Variants in ANKFN1 observed in about 807,000 individuals in gnomAD.
The protein encoded by ANKFN1 is ankyrin repeat and fibronectin type-III domain-containing protein 1.
ANKFN1 carries 74 observed loss-of-function variants against 108.7 expected under a neutral mutation model. That is an observed-to-expected ratio of 0.68 (90% confidence interval 0.56 to 0.83). The LOEUF (loss-of-function observed/expected upper bound fraction) is 0.83, where lower values mean the gene tolerates loss of function less well. ANKFN1 is among the 40% of genes least tolerant of loss of function. The pLI, the probability that ANKFN1 is intolerant of heterozygous loss-of-function variation, is 0.00. For synonymous variants in ANKFN1, 547 were observed against 516.2 expected (o/e 1.06, Z -0.81); for missense variants, 1,505 against 1,382.3 (o/e 1.09, Z -1.41).
At chr17:56,106,201 C>T (rs546618706) in intron 4 of ANKFN1, among the ~76,000 whole-genome samples, 2 of 152,272 alleles carry the variant, frequency 1.3e-5, no homozygotes, top group African/African-American at 2.4e-5. Context: ...CAGGGTCACA[C>T]AGCCAGGACT....
intron 8 of ANKFN1, among the ~76,000 whole-genome samples, chr17:56,408,222 A>G (rs1407165096): frequency 6.6e-6 from 1 of 152,182 alleles, no homozygotes; most frequent in Non-Finnish European, 1.5e-5. Context: ...GGCTTGAGCC[A>G]CCACACCCAG....
In ANKFN1 at chr17:56,216,209, C is replaced by G. The variant is rs528774255; in HGVS notation, c.12+3530C>G. ...GATAGCTAAATATGTAAACACTGCTCATTGATCAGCTTTCATATTATCCAC... is the reference window on the plus strand; with the variant it reads ...GATAGCTAAATATGTAAACACTGCTGATTGATCAGCTTTCATATTATCCAC... On this transcript the variant is annotated intron_variant, in intron 2 of 20. Coordinates refer to ENST00000682825, the MANE Select transcript of ANKFN1 (RefSeq NM_001370326.1). Among the ~76,000 whole-genome samples the G allele has an allele frequency of 3.9e-5, 6 of 152,306 alleles. No individual in the cohort carries two copies. In the South Asian group the frequency reaches 1.0e-3, roughly 26 times the overall value.
chr17:56,499,698 C>T lies in ANKFN1; in HGVS notation c.2644+600C>T, dbSNP rs116697552. Among the ~76,000 whole-genome samples the T allele has an allele frequency of 6.0e-3, 910 of 152,180 alleles. 8 individuals are homozygous for T. The highest frequency in any genetic ancestry group is 0.021 in the African/African-American group (865 of 41,528). On this transcript the variant is annotated intron_variant, in intron 20 of 20. Transcript: ENST00000682825. ...ACTTTAAACAAGCTGGAGAAGATAC[C>T]TAGCAAGGCACCTCTCCACCCTTGA... is the stretch of plus-strand genomic sequence containing the variant.
intron 1 of ANKFN1, among the ~76,000 whole-genome samples, chr17:56,208,535 T>C (rs1914717642): frequency 6.6e-6 from 1 of 152,080 alleles, no homozygotes. Context: ...CCTTAGTCTG[T>C]CTATCTCATT....
intron 6 of ANKFN1, among the ~76,000 whole-genome samples, chr17:56,369,810 G>C (rs922824823): frequency 2.0e-5 from 3 of 152,188 alleles, no homozygotes; most frequent in Non-Finnish European, 2.9e-5. Flanking sequence ...CAGTGGCTCA[G>C]TCAGTGCTTC....
At chr17:56,238,626 T>C (rs1051467007) in intron 3 of ANKFN1, among the ~76,000 whole-genome samples, 2 of 152,188 alleles carry the variant, frequency 1.3e-5, no homozygotes, top group African/African-American at 4.8e-5. Context: ...CTAATTTCCA[T>C]ATGCTTGGCA....
intron 1 of ANKFN1, among the ~76,000 whole-genome samples, chr17:56,169,711 C>T (rs1318481714): frequency 6.6e-6 from 1 of 152,066 alleles, no homozygotes; most frequent in Admixed American, 6.5e-5. Context: ...CTAGAGATCC[C>T]AGGAGACAGC....
At chr17:56,108,404 C>T (rs1053418514) in intron 4 of ANKFN1, among the ~76,000 whole-genome samples, 14 of 152,182 alleles carry the variant, frequency 9.2e-5, no homozygotes, top group African/African-American at 2.7e-4. Context: ...TTTCTTCTTT[C>T]GACTCTTCTT....
chr17:56,507,083 C>T (rs2051595505), intron 20 of ANKFN1, among the ~76,000 whole-genome samples: 1 of 152,146 alleles, frequency 6.6e-6, no homozygotes, highest in Non-Finnish European at 1.5e-5. Context: ...GAAGGGAGTT[C>T]AACTACAGTC....
intron 6 of ANKFN1, among the ~76,000 whole-genome samples, chr17:56,372,339 T>A (rs535304243): frequency 6.6e-6 from 1 of 152,280 alleles, no homozygotes; most frequent in South Asian, 2.1e-4. Flanking sequence ...TGAGAAGTGG[T>A]CCTCCTGGGT....
At chr17:56,120,431 G>A (rs1906545948) in intron 4 of ANKFN1, among the ~76,000 whole-genome samples, 1 of 151,996 alleles carries the variant, frequency 6.6e-6, no homozygotes, top group South Asian at 2.1e-4. Flanking sequence ...GCAATCTTGG[G>A]ATATGCTATC....
At chr17:56,295,109 C>G (rs1459452309) in intron 3 of ANKFN1, among the ~76,000 whole-genome samples, 1 of 152,196 alleles carries the variant, frequency 6.6e-6, no homozygotes, top group Non-Finnish European at 1.5e-5. Context: ...TGGGTTTCCT[C>G]TGGCTTTTAT....
intron 4 of ANKFN1, among the ~76,000 whole-genome samples, chr17:56,099,170 G>A (rs1305878917): frequency 2.0e-5 from 3 of 152,192 alleles, no homozygotes; most frequent in Non-Finnish European, 4.4e-5. Flanking sequence ...GGGAGAGAAA[G>A]TGGTTCCTAT....
In ANKFN1 at chr17:56,510,746, T is replaced by A. The variant is rs1355299062; in HGVS notation, c.2918T>A (p.Leu973Gln). 1 of 1,536,116 alleles carries A rather than the reference T, an allele frequency of 6.5e-7. No homozygotes were observed. Among genetic ancestry groups the A allele is most frequent in the South Asian group, 1.2e-5 (1 of 84,062 alleles). ...DHSCAEFLHS[L>Q]TLTGFTPKNH... ...TCATGTGCCGAGTTTCTCCATAGCC[T>A]GACCCTCACGGGGTTCACACCCAAG... is the stretch of plus-strand genomic sequence containing the variant. Residue 973 changes from leucine (L) to glutamine (Q), a missense_variant, in exon 21 of 21, where the codon CTG (leucine) becomes CAG (glutamine). Transcript: ENST00000682825.
At chr17:56,167,959 G>A (rs186888643) in intron 1 of ANKFN1, among the ~76,000 whole-genome samples, 63 of 152,246 alleles carry the variant, frequency 4.1e-4, no homozygotes, top group Non-Finnish European at 7.6e-4. Context: ...CCAGATGTCA[G>A]TGACCACTAG....
intron 8 of ANKFN1, among the ~76,000 whole-genome samples, chr17:56,391,709 A>G (rs1158712067): frequency 6.6e-6 from 1 of 152,062 alleles, no homozygotes; most frequent in East Asian, 1.9e-4. Flanking sequence ...TACAGGCGTG[A>G]GCCACCGCGC....
chr17:56,440,259 C>G, intron 8 of ANKFN1, 68 bp from the exon 9 acceptor site: 5 of 955,654 alleles, frequency 5.2e-6, no homozygotes, highest in Non-Finnish European at 8.1e-6. Flanking sequence ...TTCTATGGTA[C>G]TTCTTGATGT....
At chr17:56,150,382 G>T (rs182304058), upstream of ANKFN1, among the ~76,000 whole-genome samples, 2 of 152,158 alleles carry the variant, frequency 1.3e-5, no homozygotes, top group Non-Finnish European at 2.9e-5. Flanking sequence ...CTGGGTTACC[G>T]ATACCCCCTT....
chr17:56,422,164 A>G (rs969220481), intron 8 of ANKFN1, among the ~76,000 whole-genome samples: 1 of 152,224 alleles, frequency 6.6e-6, no homozygotes, highest in African/African-American at 2.4e-5. Context: ...TGCATAAATT[A>G]TGCATTTTAA....
Sources: allele counts gnomAD v4.1 joint callset (sites outside exome capture counted in the v4.1 genomes callset), GRCh38; gene constraint gnomAD v4.1.1; transcripts MANE v1.5; gene names NCBI Gene and HGNC (gene_info 2026-07-23, HGNC 2026-07-21).